Variants in WASHC2C observed in about 807,000 individuals in gnomAD.
WASHC2C encodes the protein WASH complex subunit 2C.
Under a neutral mutation model 142.2 loss-of-function variants are expected in WASHC2C, and 73 were observed. The ratio of observed to expected loss-of-function variants is 0.51; its 90% CI spans 0.43 to 0.62. The LOEUF is 0.62. Among genes scored for constraint, WASHC2C ranks in the 20% least tolerant of loss-of-function variants. The pLI, the probability that WASHC2C is intolerant of heterozygous loss-of-function variation, is 0.00. For synonymous variants in WASHC2C, 337 were observed against 565.5 expected (o/e 0.60, Z 5.73); for missense variants, 969 against 1,531.7 (o/e 0.63, Z 6.13).
chr10:45,788,728 A>G (rs2058224872), intron 28 of WASHC2C, 143 bp from the exon 29 acceptor site: 11 of 1,325,540 alleles, frequency 8.3e-6, no homozygotes, highest in Non-Finnish European at 1.1e-5. Flanking sequence ...TTAAGAAATA[A>G]CCTCTTCTAT....
intron 21 of WASHC2C, among the ~76,000 whole-genome samples, chr10:45,776,965 C>CAG (rs1230130990): frequency 1.3e-5 from 2 of 149,730 alleles, no homozygotes; most frequent in Admixed American, 6.7e-5. Flanking sequence ...AGGAGTGAGG[C>CAG]AGAGAGAGAG....
intron 16 of WASHC2C, among the ~76,000 whole-genome samples, chr10:45,758,251 C>A (rs1258998361): frequency 6.6e-6 from 1 of 152,332 alleles, no homozygotes; most frequent in Non-Finnish European, 1.5e-5. Context: ...CATTCAGACA[C>A]GTTTGTCACT....
intron 8 of WASHC2C, among the ~76,000 whole-genome samples, chr10:45,749,833 A>AT (rs2053325173): frequency 3.4e-5 from 4 of 116,862 alleles, no homozygotes; most frequent in East Asian, 3.1e-4. Context: ...CTCAAAAAAA[A>AT]AAAATATATA....
upstream of WASHC2C, chr10:45,727,111 A>T: frequency 2.1e-6 from 3 of 1,398,068 alleles, no homozygotes; most frequent in Non-Finnish European, 1.9e-6. Flanking sequence ...AACCTAGGGT[A>T]GAACCCCAAA....
At chr10:45,751,153 C>T (rs1371516091) in intron 10 of WASHC2C, among the ~76,000 whole-genome samples, 4 of 151,826 alleles carry the variant, frequency 2.6e-5, no homozygotes, top group Non-Finnish European at 5.9e-5. Context: ...TGAATATTTA[C>T]TCCTATATTT....
intron 25 of WASHC2C, 122 bp downstream of exon 25, chr10:45,785,023 T>A: frequency 6.2e-7 from 1 of 1,604,008 alleles, no homozygotes; most frequent in South Asian, 1.1e-5. Flanking sequence ...GCTAAATGAA[T>A]GGCAAATAAC....
chr10:45,782,626 AAT>A (rs1448044459), intron 23 of WASHC2C, among the ~76,000 whole-genome samples: 5 of 152,128 alleles, frequency 3.3e-5, no homozygotes, highest in Admixed American at 6.5e-5. Flanking sequence ...ATCCAAGAGA[AAT>A]AAAAACATGT....
At chr10:45,739,276 A>C (rs1215697892) in intron 4 of WASHC2C, among the ~76,000 whole-genome samples, 2 of 150,388 alleles carry the variant, frequency 1.3e-5, no homozygotes, top group Non-Finnish European at 2.9e-5. Context: ...AAAGACTAAA[A>C]TGCTCGTAGG....
In WASHC2C at chr10:45,739,287, GT is replaced by G. The variant is rs201280534; in HGVS notation, c.355-771del. The stretch of plus-strand genomic sequence containing the variant: ...GATAAAAGACTAAAATGCTCGTAGG[GT>G]TTTTTTTTTTTTTTGCCTTTGGCCC... On this transcript the variant is annotated intron_variant, in intron 4 of 30. Transcript: ENST00000623400. 2.1e-3 allele frequency among the ~76,000 whole-genome samples: 275 copies of G among 128,880 alleles called. 1 individual carries two copies. The highest frequency in any genetic ancestry group is 4.0e-3 in the Middle Eastern group (1 of 252). The allele number at this position is 128,880 out of a possible 152,430, so 84.6% of individuals were successfully genotyped here.
intron 3 of WASHC2C, among the ~76,000 whole-genome samples, chr10:45,736,578 TGACAGAGCTA>T (rs1284473345): frequency 2.0e-5 from 3 of 151,820 alleles, no homozygotes; most frequent in Non-Finnish European, 4.4e-5. Context: ...CCAGCCTGGG[TGACAGAGCTA>T]GACTCTGTCT....
chr10:45,790,101 G>A (rs2058309905), intron 29 of WASHC2C, among the ~76,000 whole-genome samples: 1 of 152,182 alleles, frequency 6.6e-6, no homozygotes, highest in South Asian at 2.1e-4. Flanking sequence ...CAGAGTGGTG[G>A]GTAGGGCTGG....
chr10:45,758,133 C>T (rs1460303692), intron 16 of WASHC2C, among the ~76,000 whole-genome samples: 2 of 151,928 alleles, frequency 1.3e-5, no homozygotes, highest in Non-Finnish European at 2.9e-5. Context: ...TGATTATTTT[C>T]CTATGAATAG....
At chr10:45,727,791 G>A (rs541710509) in intron 2 of WASHC2C, among the ~76,000 whole-genome samples, 73 of 152,206 alleles carry the variant, frequency 4.8e-4, no homozygotes, top group African/African-American at 1.7e-3. Context: ...ATCCGGAGGG[G>A]AGATCCGTTT....
At chr10:45,759,090 C>G (rs2054716145) in intron 16 of WASHC2C, among the ~76,000 whole-genome samples, 1 of 135,348 alleles carries the variant, frequency 7.4e-6, no homozygotes, top group Non-Finnish European at 1.6e-5. Flanking sequence ...TCTGTGCACC[C>G]ATTGACCCAG....
chr10:45,755,196 T>C (rs1249089381), intron 15 of WASHC2C, 81 bp downstream of exon 15: 24 of 1,542,420 alleles, frequency 1.6e-5, no homozygotes, highest in Non-Finnish European at 2.1e-5. Context: ...CACCTAGTTC[T>C]GTATCTCTTA....
chr10:45,750,842 A>T lies in WASHC2C; in HGVS notation c.931+4A>T. ...CGAGTGGACGAGGAGCCGACAAGTG[A>T]GCCCCAGCCACGTTGATGGGGAGTA... On this transcript the variant is annotated splice_donor_region_variant and intron_variant, in intron 10 of 30. Coordinates refer to ENST00000623400, the MANE Select transcript of WASHC2C (RefSeq NM_001330074.2). 3 of 1,547,736 alleles carry T rather than the reference A, an allele frequency of 1.9e-6. No individual in the cohort carries two copies. In the South Asian group the frequency reaches 3.6e-5, roughly 18 times the overall value.
intron 3 of WASHC2C, among the ~76,000 whole-genome samples, chr10:45,730,108 G>C (rs1460998615): frequency 4.4e-5 from 6 of 136,594 alleles, no homozygotes; most frequent in Non-Finnish European, 9.4e-5. Flanking sequence ...ACTTTGGGAG[G>C]CCAAGACGGG....
intron 2 of WASHC2C, among the ~76,000 whole-genome samples, chr10:45,728,010 T>G (rs1348661650): frequency 6.6e-6 from 1 of 152,206 alleles, no homozygotes; most frequent in East Asian, 1.9e-4. Context: ...TGGTCTGTGA[T>G]CTCTGTAGAT....
Position 45,784,598 on chromosome 10 carries a change from G to T in WASHC2C, c.2512G>T (p.Gly838Cys). 1 of 1,611,072 alleles carries T rather than the reference G, an allele frequency of 6.2e-7. No individual in the cohort carries two copies. Among genetic ancestry groups the T allele is most frequent in the Non-Finnish European group, 8.5e-7 (1 of 1,179,726 alleles). The change falls in exon 24 of 31, where the codon GGT (glycine) becomes TGT (cysteine). Residue 838 changes from glycine to cysteine, a missense_variant. Physicochemically the swap from Gly to Cys is radical, Grantham distance 159. Coordinates refer to ENST00000623400, the MANE Select transcript of WASHC2C (RefSeq NM_001330074.2). ...CDPDAHPKST[G>C]VFQDEELLFS... ...TCCTGATGCCCACCCCAAGAGCACA[G>T]GTGTCTTCCAGGATGAAGAGCTGCT...
Sources: gnomAD v4.1 joint callset for allele counts (sites outside exome capture counted in the v4.1 genomes callset) on GRCh38, gnomAD v4.1.1 for gene constraint, MANE v1.5 for transcripts, NCBI Gene and HGNC (gene_info 2026-07-23, HGNC 2026-07-21) for gene names.